PCDHGA10: variants seen among roughly 807,000 people sequenced by gnomAD.
PCDHGA10 encodes protocadherin gamma-A10.
Under a neutral mutation model 59.5 loss-of-function variants are expected in PCDHGA10, and 42 were observed. The observed-to-expected ratio is 0.71, with a 90% CI of 0.55 to 0.91. The LOEUF (loss-of-function observed/expected upper bound fraction) is 0.91, where lower values mean the gene tolerates loss of function less well. PCDHGA10 is among the 40% of genes least tolerant of loss of function. The probability of loss-of-function intolerance (pLI) is 0.00; values close to 1 mark genes in which losing one functional copy is unlikely to be tolerated. For synonymous variants in PCDHGA10, 511 were observed against 517.2 expected (o/e 0.99, Z 0.16); for missense variants, 1,111 against 1,198.2 (o/e 0.93, Z 1.07).
At chr5:141,444,578 C>G (rs1030770037) in intron 1 of PCDHGA10, among the ~76,000 whole-genome samples, 1 of 152,134 alleles carries the variant, frequency 6.6e-6, no homozygotes, top group Non-Finnish European at 1.5e-5. Context: ...TTGACTCTTC[C>G]TTTCTACTTA....
At position 141,489,302 on chromosome 5, in the gene PCDHGA10, T is replaced by C. The variant is rs1258736404; in HGVS notation, c.2437-5505T>C. 2 of 1,586,886 alleles carry C rather than the reference T, an allele frequency of 1.3e-6. No homozygotes were observed. The highest frequency in any genetic ancestry group is 2.3e-5 in the South Asian group (2 of 85,378). ...TGGCAAGTGCTGTGCATGTTGTCCT[T>C]GTGCTGCTGGGGCTGGGTGTCTGGG... On this transcript the variant is annotated intron_variant, in intron 1 of 3. Transcript: ENST00000398610. The surrounding 1 kb of genome is among the most constrained non-coding windows in gnomAD (Gnocchi z 4.5).
In PCDHGA10 at chr5:141,485,051, CCGAACCGCG is replaced by C. The variant is rs2099605816; in HGVS notation, c.2437-9754_2437-9746del. On this transcript the variant is annotated intron_variant, in intron 1 of 3. Coordinates refer to ENST00000398610, the MANE Select transcript of PCDHGA10 (RefSeq NM_018913.3). This position sits in a 1 kb window ranked among gnomAD's most constrained non-coding sequence, Gnocchi z 5.7. ...CGGCGCGTAACCCTTGCGGCGCCGG[CCGAACCGCG>C]CCAGAGCTGGCGCGGGGAAAGGGAG... 1.2e-6 allele frequency: 1 copy of C among 801,304 alleles called. No individual in the cohort carries two copies. Among genetic ancestry groups the C allele is most frequent in the East Asian group, 2.5e-5 (1 of 40,224 alleles). 49.6% of individuals were successfully genotyped at this position (801,304 alleles called of 1,614,324 possible). A position where few individuals can be genotyped will look rare whatever the true frequency, so the allele number is the denominator to read the frequency against.
chr5:141,422,088 CA>C (rs1235447839), intron 1 of PCDHGA10: 2 of 1,611,912 alleles, frequency 1.2e-6, no homozygotes, highest in Non-Finnish European at 1.7e-6. Flanking sequence ...ACATGGAAAG[CA>C]AGGCTTCTGA....
At chr5:141,425,391 A>G (rs2096872046) in intron 1 of PCDHGA10, among the ~76,000 whole-genome samples, 1 of 152,238 alleles carries the variant, frequency 6.6e-6, no homozygotes, top group South Asian at 2.1e-4. Flanking sequence ...AGGTAGTGAT[A>G]AAGTTCTGTT....
intron 1 of PCDHGA10, among the ~76,000 whole-genome samples, chr5:141,446,764 G>A (rs2098514605): frequency 6.6e-6 from 1 of 152,214 alleles, no homozygotes; most frequent in Non-Finnish European, 1.5e-5. Context: ...ACCGCGCCCA[G>A]CCGGTTACCA....
In PCDHGA10 at chr5:141,485,219, A is replaced by C. The variant is rs954128321; in HGVS notation, c.2437-9588A>C. 20 of 1,613,930 alleles carry C rather than the reference A, an allele frequency of 1.2e-5. No individual in the cohort carries two copies. The highest frequency in any genetic ancestry group is 1.6e-5 in the Non-Finnish European group (19 of 1,179,944). On this transcript the variant is annotated intron_variant, in intron 1 of 3. Coordinates refer to ENST00000398610, the MANE Select transcript of PCDHGA10 (RefSeq NM_018913.3). The surrounding 1 kb of genome is among the most constrained non-coding windows in gnomAD (Gnocchi z 5.7). The stretch of plus-strand genomic sequence containing the variant: ...CTGGACAGAAATCTGGCGGTGGGCT[A>C]CCCTTTTGTTCCTCTTTTACCACCT...
intron 2 of PCDHGA10, among the ~76,000 whole-genome samples, chr5:141,499,796 C>T (rs2099794539): frequency 6.6e-6 from 1 of 150,412 alleles, no homozygotes; most frequent in South Asian, 2.1e-4. Context: ...AAGCAATTCT[C>T]ATGCTTCAGC....
Position 141,476,443 on chromosome 5 carries a change from G to A in PCDHGA10, c.2437-18364G>A, listed in dbSNP as rs752285213. 1 of 1,614,044 alleles carries A rather than the reference G, an allele frequency of 6.2e-7. No individual in the cohort carries two copies. The highest frequency in any genetic ancestry group is 8.5e-7 in the Non-Finnish European group (1 of 1,180,038). ...TGCCCTCTTGCACTGTAACTCTGGAGTTGGTAGTGGAGAACCCGCTGGAGC... is the reference window on the plus strand; with the variant it reads ...TGCCCTCTTGCACTGTAACTCTGGAATTGGTAGTGGAGAACCCGCTGGAGC... On this transcript the variant is annotated intron_variant, in intron 1 of 3. Transcript: ENST00000398610. This position sits in a 1 kb window ranked among gnomAD's most constrained non-coding sequence, Gnocchi z 7.6.
chr5:141,433,883 G>A (rs1051019240), intron 1 of PCDHGA10, among the ~76,000 whole-genome samples: 1 of 149,932 alleles, frequency 6.7e-6, no homozygotes, highest in Non-Finnish European at 1.5e-5. Flanking sequence ...ATCCATTGAT[G>A]ACACTTGCTT....
At chr5:141,416,982 T>C (rs191309825) in intron 1 of PCDHGA10, 25 of 152,264 alleles carry the variant, frequency 1.6e-4, no homozygotes, top group African/African-American at 5.5e-4. Context: ...GAGTCAAAAT[T>C]ATTGTGCATT....
chr5:141,490,544 A>G lies in PCDHGA10; in HGVS notation c.2437-4263A>G. 6.2e-7 allele frequency: 1 copy of G among 1,614,120 alleles called. No individual in the cohort carries two copies. Among genetic ancestry groups the G allele is most frequent in the Non-Finnish European group, 8.5e-7 (1 of 1,180,028 alleles). ...AGCGATGCTGGTTCACCTTCCCTAC[A>G]CAAACATCTCACCATCAGGCTCAAC... On this transcript the variant is annotated intron_variant, in intron 1 of 3. Transcript: ENST00000398610. This position sits in a 1 kb window ranked among gnomAD's most constrained non-coding sequence, Gnocchi z 5.4.
rs776079289 is a variant in PCDHGA10 at position 141,423,264 on chromosome 5, CGAGTCTCT to C, written c.2436+7655_2436+7662del. The C allele has an allele frequency of 9.8e-5, 158 of 1,613,986 alleles. 1 individual carries two copies. The African/African-American group carries it at 1.9e-3, about 20-fold the overall frequency. ...AAGTCCTGGCGGACCTCGGCAGCCT[CGAGTCTCT>C]GGCTAACTCTGAAACCTCAGACCTC... On this transcript the variant is annotated intron_variant, in intron 1 of 3. Transcript: ENST00000398610.
chr5:141,419,617 C>T (rs780077182), intron 1 of PCDHGA10: 2 of 1,612,280 alleles, frequency 1.2e-6, no homozygotes, highest in South Asian at 2.2e-5. Flanking sequence ...AGCCAGGCTA[C>T]CTGGTGACCA....
intron 3 of PCDHGA10, among the ~76,000 whole-genome samples, chr5:141,506,441 T>C (rs1940889203): frequency 9.8e-6 from 1 of 101,930 alleles, no homozygotes; most frequent in South Asian, 3.0e-4. Flanking sequence ...TCTCGCTCTG[T>C]CTCAAAAAAA....
At chr5:141,421,080 C>CA (rs2096545590) in intron 1 of PCDHGA10, 1 of 638,250 alleles carries the variant, frequency 1.6e-6, no homozygotes, top group East Asian at 2.9e-5. Context: ...GATGGATACT[C>CA]ACAGATCCTG....
Position 141,485,666 on chromosome 5 carries a change from A to C in PCDHGA10, c.2437-9141A>C. 1.2e-6 allele frequency: 2 copies of C among 1,612,786 alleles called. No homozygotes were observed. Among genetic ancestry groups the C allele is most frequent in the Non-Finnish European group, 1.7e-6 (2 of 1,178,960 alleles). ...GGCTCAGGATGCAGATGTGGGGAGCAATTCGATTAGCAGCTATAGGCTGAG... is the reference window on the plus strand; with the variant it reads ...GGCTCAGGATGCAGATGTGGGGAGCCATTCGATTAGCAGCTATAGGCTGAG... On this transcript the variant is annotated intron_variant, in intron 1 of 3. Transcript: ENST00000398610. This position sits in a 1 kb window ranked among gnomAD's most constrained non-coding sequence, Gnocchi z 5.7.
chr5:141,487,709 A>G lies in PCDHGA10; in HGVS notation c.2437-7098A>G. On this transcript the variant is annotated intron_variant, in intron 1 of 3. Coordinates refer to ENST00000398610, the MANE Select transcript of PCDHGA10 (RefSeq NM_018913.3). This position sits in a 1 kb window ranked among gnomAD's most constrained non-coding sequence, Gnocchi z 5.0. ...CCTAGAGAGTACTGGCCTCTCAGTA[A>G]GTGCCCATAGTGATGTCACCATTTT... is the stretch of plus-strand genomic sequence containing the variant. 6.3e-7 allele frequency: 1 copy of G among 1,586,184 alleles called. No individual in the cohort carries two copies. Among genetic ancestry groups the G allele is most frequent in the South Asian group, 1.1e-5 (1 of 87,958 alleles).
At chr5:141,415,879 T>C (rs1002596454) in intron 1 of PCDHGA10, 1 of 1,003,176 alleles carries the variant, frequency 1.0e-6, no homozygotes, top group African/African-American at 1.7e-5. Context: ...TTGAGTACAA[T>C]ATTGACAATT....
chr5:141,441,280 G>A (rs2098237221), intron 1 of PCDHGA10: 1 of 152,090 alleles, frequency 6.6e-6, no homozygotes, highest in East Asian at 1.9e-4. Flanking sequence ...GGGAGAAAAC[G>A]AGGTCACATG....
Sources: allele counts gnomAD v4.1 joint callset (sites outside exome capture counted in the v4.1 genomes callset), GRCh38; gene constraint gnomAD v4.1.1; non-coding constraint Gnocchi (gnomAD v3.1); transcripts MANE v1.5; gene names NCBI Gene and HGNC (gene_info 2026-07-23, HGNC 2026-07-21).